The following CAGE1 variants were observed in gnomAD, a reference collection of about 807,000 sequenced individuals.
The protein encoded by CAGE1 is cancer-associated gene 1 protein.
In CAGE1, 66 loss-of-function variants were observed where a neutral mutation model predicts 94.9. That is an observed-to-expected ratio of 0.70 (90% confidence interval 0.57 to 0.85). The LOEUF (loss-of-function observed/expected upper bound fraction) is 0.85, where lower values mean the gene tolerates loss of function less well. CAGE1 is among the 40% of genes least tolerant of loss of function. The pLI is 0.00. For synonymous variants in CAGE1, 319 were observed against 321.0 expected (o/e 0.99, Z 0.07); for missense variants, 865 against 950.4 (o/e 0.91, Z 1.18).
intron 11 of CAGE1, among the ~76,000 whole-genome samples, chr6:7,345,389 G>GT (rs1242255016): frequency 1.3e-5 from 2 of 152,150 alleles, no homozygotes; most frequent in Non-Finnish European, 2.9e-5. Context: ...ACAAACGCCA[G>GT]ATGTGCCATC....
At chr6:7,344,601 G>C (rs1261021173) in intron 11 of CAGE1, among the ~76,000 whole-genome samples, 7 of 152,004 alleles carry the variant, frequency 4.6e-5, no homozygotes, top group Admixed American at 6.5e-5. Flanking sequence ...GAGGAGTGCG[G>C]GCGTACGGCC....
intron 5 of CAGE1, among the ~76,000 whole-genome samples, chr6:7,372,356 A>G (rs974775453): frequency 6.6e-6 from 1 of 151,668 alleles, no homozygotes; most frequent in African/African-American, 2.4e-5. Flanking sequence ...CTGTAATCCC[A>G]GTTACTCCGG....
Position 7,389,216 on chromosome 6 carries a change from C to A in CAGE1, c.-38G>T. The A allele has an allele frequency of 2.2e-6, 1 of 455,558 alleles. No individual in the cohort carries two copies. Among genetic ancestry groups the A allele is most frequent in the South Asian group, 1.5e-5 (1 of 64,552 alleles). The allele number at this position is 455,558 out of a possible 1,614,324, so 28.2% of individuals were successfully genotyped here. A position where few individuals can be genotyped will look rare whatever the true frequency, so the allele number is the denominator to read the frequency against. On this transcript the variant is annotated 5_prime_UTR_variant, in exon 1 of 14. Transcript: ENST00000502583. ...ACAAACTTTACCTTTTTAAAAAGCA[C>A]TTATCTCATTCATTTTTCACCTCAA...
At chr6:7,385,205 A>G (rs1424264671) in intron 3 of CAGE1, among the ~76,000 whole-genome samples, 1 of 151,380 alleles carries the variant, frequency 6.6e-6, no homozygotes, top group African/African-American at 2.4e-5. Flanking sequence ...GGGTTTCTCC[A>G]TGTTGGTCAG....
At chr6:7,378,583 C>T in intron 4 of CAGE1, 34 bp downstream of exon 4, 1 of 1,516,838 alleles carries the variant, frequency 6.6e-7, no homozygotes, top group Non-Finnish European at 8.8e-7. Context: ...TTCTCTTTAT[C>T]AAATGGTTTT....
intron 12 of CAGE1, among the ~76,000 whole-genome samples, chr6:7,331,878 C>T (rs1758766714): frequency 6.6e-6 from 1 of 152,204 alleles, no homozygotes; most frequent in South Asian, 2.1e-4. Context: ...CAAAATGCAA[C>T]TTTAATTTTG....
intron 7 of CAGE1, 139 bp downstream of exon 7, chr6:7,368,549 A>C (rs1321773751): frequency 4.0e-6 from 2 of 503,126 alleles, no homozygotes; most frequent in African/African-American, 4.0e-5. Flanking sequence ...CTCTTTAGTG[A>C]GGGGCACAGT....
intron 7 of CAGE1, among the ~76,000 whole-genome samples, chr6:7,367,905 T>C (rs1488985908): frequency 6.6e-6 from 1 of 152,168 alleles, no homozygotes; most frequent in African/African-American, 2.4e-5. Flanking sequence ...ATTCTCTTCA[T>C]TTTATCCTTC....
At position 7,373,672 on chromosome 6, in the gene CAGE1, G is replaced by A. The variant is rs1760633215; in HGVS notation, c.1147C>T (p.Gln383Ter). Residue 383 changes from glutamine (Q) to a stop codon, truncating the protein, a stop_gained, in exon 5 of 14, where the codon CAG becomes TAG. Transcript: ENST00000502583. LOFTEE classifies it high-confidence loss of function. ...TTAGCTAAAACCTCTTCCAAATTCT[G>A]CAATGTCTTTTTAGTATCATTCTTC... Reference protein sequence around the residue: ...LEKNDTKKTLQNLEEVLANTQ... With the variant: ...LEKNDTKKTL 1.2e-6 allele frequency: 2 copies of A among 1,612,924 alleles called. No homozygotes were observed. Among genetic ancestry groups the A allele is most frequent in the South Asian group, 2.2e-5 (2 of 91,030 alleles).
intron 12 of CAGE1, chr6:7,331,335 G>A (rs1007189603): frequency 9.5e-6 from 10 of 1,058,066 alleles, no homozygotes; most frequent in African/African-American, 1.6e-5. Flanking sequence ...AAAGAGACCC[G>A]TAAGTCTGGA....
rs1438944281 is a variant in CAGE1 at position 7,368,718 on chromosome 6, G to A, written c.1974C>T (p.Leu658=). The A allele has an allele frequency of 1.9e-5, 30 of 1,541,108 alleles. No homozygotes were observed. Among genetic ancestry groups the A allele is most frequent in the Non-Finnish European group, 2.4e-5 (27 of 1,141,090 alleles). Residue 658 remains leucine, a synonymous_variant, in exon 7 of 14, where the codon CTC becomes CTT. Transcript: ENST00000502583. ...TATCTAAAGTTTTCTTTTTAAGATG[G>A]AGGCTCTTCAGTTTTTGCAGCATTA... ...SDIMLQKLKS[L]HLKKKTLDKE...
At chr6:7,381,935 G>A (rs1216581668) in intron 3 of CAGE1, among the ~76,000 whole-genome samples, 2 of 151,334 alleles carry the variant, frequency 1.3e-5, no homozygotes, top group East Asian at 2.0e-4. Context: ...TGCCTCCTGG[G>A]TTCACGCCAT....
chr6:7,375,254 C>A (rs1398599634), intron 4 of CAGE1, among the ~76,000 whole-genome samples: 1 of 151,528 alleles, frequency 6.6e-6, no homozygotes, highest in Non-Finnish European at 1.5e-5. Context: ...ACTAAAAATA[C>A]AAAAATTAGC....
chr6:7,366,572 A>T (rs1760344135), intron 7 of CAGE1, among the ~76,000 whole-genome samples: 1 of 152,022 alleles, frequency 6.6e-6, no homozygotes, highest in South Asian at 2.1e-4. Flanking sequence ...CCTGATAAAA[A>T]CCTGGGGCAC....
intron 11 of CAGE1, among the ~76,000 whole-genome samples, chr6:7,349,167 C>T (rs567281549): frequency 6.6e-6 from 1 of 152,132 alleles, no homozygotes; most frequent in Non-Finnish European, 1.5e-5. Context: ...GACAGAAGCA[C>T]CAGGTAACCT....
At chr6:7,348,451 C>G (rs1561854185) in intron 11 of CAGE1, among the ~76,000 whole-genome samples, 1 of 152,166 alleles carries the variant, frequency 6.6e-6, no homozygotes, top group Non-Finnish European at 1.5e-5. Context: ...TCTGACAAAG[C>G]CTACCCAAAT....
chr6:7,335,861 G>A (rs1287955983), intron 11 of CAGE1, among the ~76,000 whole-genome samples: 1 of 152,204 alleles, frequency 6.6e-6, no homozygotes, highest in Non-Finnish European at 1.5e-5. Flanking sequence ...GTAGGCATGA[G>A]CCACCATGCT....
intron 4 of CAGE1, among the ~76,000 whole-genome samples, chr6:7,374,369 A>G (rs1581693785): frequency 6.6e-6 from 1 of 152,378 alleles, no homozygotes; most frequent in East Asian, 1.9e-4. Flanking sequence ...GGCAGTAGGT[A>G]TATGACAGAT....
At chr6:7,389,117 A>G in intron 1 of CAGE1, 85 bp downstream of exon 1, 1 of 363,832 alleles carries the variant, frequency 2.7e-6, no homozygotes, top group South Asian at 2.0e-5. Context: ...GTTTTAAGAT[A>G]GGAGTTAAAA....
Sources: allele counts gnomAD v4.1 joint callset (sites outside exome capture counted in the v4.1 genomes callset), GRCh38; gene constraint gnomAD v4.1.1; transcripts MANE v1.5; gene names NCBI Gene and HGNC (gene_info 2026-07-23, HGNC 2026-07-21).